The following VPS13A variants were observed in gnomAD, a reference collection of about 807,000 sequenced individuals.
VPS13A encodes intermembrane lipid transfer protein VPS13A.
A neutral mutation model predicts 390.9 loss-of-function variants in VPS13A; 264 were observed. That is an observed-to-expected ratio of 0.68 (90% confidence interval 0.61 to 0.75). The LOEUF (loss-of-function observed/expected upper bound fraction) is 0.75. Among genes scored for constraint, VPS13A ranks in the 30% least tolerant of loss-of-function variants. The probability of loss-of-function intolerance (pLI) is 0.00; values close to 1 mark genes in which losing one functional copy is unlikely to be tolerated. For synonymous variants in VPS13A, 1,231 were observed against 1,227.1 expected, an observed-to-expected ratio of 1.00 and a Z score of -0.07; for missense variants, 3,409 against 3,733.9, an observed-to-expected ratio of 0.91 and a Z score of 2.27.
At chr9:77,334,391 A>T (rs1243210009) in intron 46 of VPS13A, among the ~76,000 whole-genome samples, 1 of 152,158 alleles carries the variant, frequency 6.6e-6, no homozygotes, top group East Asian at 1.9e-4. Flanking sequence ...CTTCTCATTT[A>T]AAACCTCCTG....
intron 22 of VPS13A, among the ~76,000 whole-genome samples, chr9:77,256,690 T>G (rs1825465430): frequency 6.6e-6 from 1 of 152,220 alleles, no homozygotes; most frequent in Non-Finnish European, 1.5e-5. Context: ...CATATATGTT[T>G]ATAATTGTTA....
intron 11 of VPS13A, 78 bp downstream of exon 11, chr9:77,220,159 A>G: frequency 6.6e-7 from 1 of 1,526,640 alleles, no homozygotes; most frequent in South Asian, 1.2e-5. Context: ...ATGTTTCACT[A>G]AAATTCATGA....
At chr9:77,337,175 G>A (rs1830584018) in intron 46 of VPS13A, 80 bp from the exon 47 acceptor site, 4 of 1,336,286 alleles carry the variant, frequency 3.0e-6, no homozygotes, top group East Asian at 5.0e-5. Context: ...AGGTAAGTTT[G>A]TTATTCTAAA....
At chr9:77,384,494 C>T in intron 68 of VPS13A, 1 of 1,563,748 alleles carries the variant, frequency 6.4e-7, no homozygotes, top group Non-Finnish European at 8.8e-7. Flanking sequence ...TATTCTCACT[C>T]TTTGAACATT....
chr9:77,273,147 G>A, intron 23 of VPS13A, 133 bp from the exon 24 acceptor site: 1 of 683,972 alleles, frequency 1.5e-6, no homozygotes, highest in Non-Finnish European at 2.5e-6. Context: ...ATTTAAACCT[G>A]ATTATCTTCT....
intron 71 of VPS13A, among the ~76,000 whole-genome samples, chr9:77,411,635 C>T (rs913971092): frequency 2.4e-4 from 27 of 114,064 alleles, no homozygotes; most frequent in Non-Finnish European, 4.0e-4. Context: ...TGCACTCCAG[C>T]CTAGGCAACA....
intron 33 of VPS13A, among the ~76,000 whole-genome samples, chr9:77,298,348 T>G (rs1828132158): frequency 6.6e-6 from 1 of 152,124 alleles, no homozygotes; most frequent in Non-Finnish European, 1.5e-5. Context: ...AGAAAGCTTG[T>G]AGAGTGGGAC....
At chr9:77,329,738 A>G (rs1292774740) in intron 45 of VPS13A, among the ~76,000 whole-genome samples, 1 of 152,216 alleles carries the variant, frequency 6.6e-6, no homozygotes, top group Non-Finnish European at 1.5e-5. Flanking sequence ...TAAAAAATGA[A>G]ATATCTGCAA....
In VPS13A at chr9:77,337,335, A is replaced by T; in HGVS notation, c.6176A>T (p.Asp2059Val). 1.2e-6 allele frequency: 2 copies of T among 1,612,880 alleles called. No individual in the cohort carries two copies. The highest frequency in any genetic ancestry group is 1.7e-6 in the Non-Finnish European group (2 of 1,179,206). Residue 2059 changes from aspartate (D) to valine (V), a missense_variant, in exon 47 of 72, where the codon GAT becomes GTT. Transcript: ENST00000360280. ...GIDFEEIIKN[D>V]GALLKKKCRS... ...GACTTTGAAGAGATTATAAAAAATG[A>T]TGGTGCTCTTCTAAAGAAGAAATGT...
In VPS13A at chr9:77,341,691, C is replaced by CTTTTTTTTTTTTTTTTTTTTTTTTTTTTT. The variant is rs57841628; in HGVS notation, c.7026+1142_7026+1170dup. 5.0e-4 allele frequency among the ~76,000 whole-genome samples: 19 copies of CTTTTTTTTTTTTTTTTTTTTTTTTTTTTT among 37,838 alleles called. 4 individuals carry two copies. The highest frequency in any genetic ancestry group is 6.9e-4 in the Non-Finnish European group (15 of 21,608). 24.8% of individuals were successfully genotyped at this position (37,838 alleles called of 152,430 possible). On this transcript the variant is annotated intron_variant, in intron 50 of 71. Transcript: ENST00000360280. ...AGTAAGTTCTACATGGACATCTTTC[C>CTTTTTTTTTTTTTTTTTTTTTTTTTTTTT]TTTTTTTTTTTTTTTTTTTTTTTTT...
Position 77,214,275 on chromosome 9 carries a change from CA to C in VPS13A, c.697-47del. On this transcript the variant is annotated intron_variant, in intron 9 of 71. Coordinates refer to ENST00000360280, the MANE Select transcript of VPS13A (RefSeq NM_033305.3). ...TGGGTGACAGGGGGAGACTCCATCT[CA>C]AAAAAAGACATATTGGCATGAATAT... 25 of 1,528,534 alleles carry C rather than the reference CA, an allele frequency of 1.6e-5. No individual in the cohort carries two copies. The South Asian group carries it at 2.1e-4, about 13-fold the overall frequency. 94.7% of individuals were successfully genotyped at this position (1,528,534 alleles called of 1,614,324 possible).
At chr9:77,243,245 T>A (rs1824611650) in intron 19 of VPS13A, among the ~76,000 whole-genome samples, 1 of 152,076 alleles carries the variant, frequency 6.6e-6, no homozygotes, top group Admixed American at 6.5e-5. Flanking sequence ...GATTTCAGAT[T>A]TCTTCGGATA....
At chr9:77,358,809 G>A (rs10781433) in intron 57 of VPS13A, among the ~76,000 whole-genome samples, 1 of 151,902 alleles carries the variant, frequency 6.6e-6, no homozygotes, top group Non-Finnish European at 1.5e-5. Context: ...TAAGAATAAC[G>A]GACAAGTCCT....
chr9:77,394,019 C>T (rs1003678677), intron 68 of VPS13A, among the ~76,000 whole-genome samples: 15 of 151,728 alleles, frequency 9.9e-5, no homozygotes, highest in Admixed American at 2.0e-4. Context: ...CCACCCACCT[C>T]GGCGTCCCAA....
intron 42 of VPS13A, among the ~76,000 whole-genome samples, chr9:77,320,908 AATTTTAGGTTTT>A (rs1260104850): frequency 1.3e-5 from 2 of 152,010 alleles, no homozygotes; most frequent in African/African-American, 2.4e-5. Flanking sequence ...TACACATAGT[AATTTTAGGTTTT>A]TATTTTTCCT....
intron 22 of VPS13A, among the ~76,000 whole-genome samples, chr9:77,255,927 C>A (rs1825414818): frequency 6.6e-6 from 1 of 151,914 alleles, no homozygotes; most frequent in South Asian, 2.1e-4. Context: ...CAATCTCGAT[C>A]ATTTTGAAGA....
At chr9:77,273,192 C>T (rs1826446868) in intron 23 of VPS13A, 88 bp from the exon 24 acceptor site, 1 of 1,024,336 alleles carries the variant, frequency 9.8e-7, no homozygotes, top group Admixed American at 2.2e-5. Flanking sequence ...TTTGTCAAAA[C>T]TGTTGTAGAA....
Position 77,221,310 on chromosome 9 carries a change from A to G in VPS13A, c.1115A>G (p.Lys372Arg). 1.9e-6 allele frequency: 3 copies of G among 1,613,382 alleles called. No homozygotes were observed. Among genetic ancestry groups the G allele is most frequent in the Admixed American group, 1.7e-5 (1 of 59,956 alleles). ...VKQYKELYKK[K>R]LTSKKPPGEL... ...CAATATAAAGAACTGTATAAAAAAA[A>G]GTTAACAAGTAAGAAGCCACCTGGT... The change falls in exon 13 of 72, where the codon AAG becomes AGG. Residue 372 changes from lysine to arginine, a missense_variant. This residue lies in a region of VPS13A where 2,717 missense variants were observed against 2,917.4 expected (regional missense o/e 0.93). Transcript: ENST00000360280.
rs200038733 is a variant in VPS13A, at chr9:77,276,074, G to A, written c.2677G>A (p.Glu893Lys). The change falls in exon 26 of 72, where the codon GAG becomes AAG. Residue 893 changes from glutamate (E) to lysine (K), a missense_variant. By Grantham distance (56) the Glu-to-Lys change is moderately conservative (BLOSUM62 1). Around this residue, in one of 5 missense-constraint regions of VPS13A, gnomAD observed 2,717 missense variants for 2,917.4 expected, o/e 0.93. Transcript: ENST00000360280. ...TTTCTTTCTTCTCCAGGTTTTGATC[G>A]AGTTTTATCACCTTGTTGGAGATTG... The part of the protein sequence containing the change: ...IRFEVPKVLI[E>K]FYHLVGDCEL... The A allele has an allele frequency of 3.8e-5, 62 of 1,611,676 alleles. 1 individual carries two copies. Among genetic ancestry groups the A allele is most frequent in the South Asian group, 5.5e-5 (5 of 91,048 alleles).
Sources: gnomAD v4.1 joint callset for allele counts (sites outside exome capture counted in the v4.1 genomes callset) on GRCh38, gnomAD v4.1.1 for gene constraint, gnomAD v4.1.1 regional missense constraint, MANE v1.5 for transcripts, NCBI Gene and HGNC (gene_info 2026-07-23, HGNC 2026-07-21) for gene names.